Variants in SH3GL1 observed in about 807,000 individuals in gnomAD.
SH3GL1 encodes the protein endophilin-A2.
A neutral mutation model predicts 48.8 loss-of-function variants in SH3GL1; 21 were observed. That is an observed-to-expected ratio of 0.43 (90% CI 0.30 to 0.62). SH3GL1 has a LOEUF of 0.62. SH3GL1 is among the 20% of genes least tolerant of loss of function. The probability of loss-of-function intolerance (pLI) is 0.11; values close to 1 mark genes in which losing one functional copy is unlikely to be tolerated. For missense variants in SH3GL1, 454 were observed against 503.0 expected, an observed-to-expected ratio of 0.90 and a Z score of 0.93; for synonymous variants, 282 against 217.5, an observed-to-expected ratio of 1.30 and a Z score of -2.61.
Position 4,360,446 on chromosome 19 carries a change from G to A in SH3GL1, c.*1154C>T, listed in dbSNP as rs1354013987. 1 of 237,696 alleles carries A rather than the reference G, an allele frequency of 4.2e-6. No homozygotes were observed. Among genetic ancestry groups the A allele is most frequent in the Non-Finnish European group, 8.3e-6 (1 of 120,912 alleles). The allele number at this position is 237,696 out of a possible 1,614,324, so 14.7% of individuals were successfully genotyped here. A position where few individuals can be genotyped will look rare whatever the true frequency, so the allele number is the denominator to read the frequency against. On this transcript the variant is annotated 3_prime_UTR_variant, in exon 10 of 10. Coordinates refer to ENST00000269886, the MANE Select transcript of SH3GL1 (RefSeq NM_003025.4). ...CAGTTTGCCCTGGACCGTGCCCAAA[G>A]CTGTGTGCTCATCTCTGCGCCCCTC...
At position 4,400,458 on chromosome 19, in the gene SH3GL1, C is replaced by A; in HGVS notation, c.-90G>T. ...ACCCTCTGCGCGCCTCAGCAGTCCC[C>A]GTCGGCGCCGCCTCCGCCACCCGCT... On this transcript the variant is annotated 5_prime_UTR_variant, in exon 1 of 10. Transcript: ENST00000269886. The surrounding 1 kb of genome is among the most constrained non-coding windows in gnomAD (Gnocchi z 4.1). The A allele has an allele frequency of 1.7e-6, 2 of 1,159,926 alleles. No homozygotes were observed. Among genetic ancestry groups the A allele is most frequent in the Non-Finnish European group, 2.2e-6 (2 of 926,932 alleles). 71.9% of individuals were successfully genotyped at this position (1,159,926 alleles called of 1,614,324 possible).
chr19:4,386,565 C>T (rs1240139675), intron 1 of SH3GL1, among the ~76,000 whole-genome samples: 1 of 150,400 alleles, frequency 6.6e-6, no homozygotes, highest in African/African-American at 2.5e-5. Context: ...CTCAAACTCC[C>T]GGGCTCAAGC....
intron 4 of SH3GL1, among the ~76,000 whole-genome samples, chr19:4,364,866 T>TTGTGTG (rs373324973): frequency 0.04 from 3,910 of 96,848 alleles, 131 homozygotes; most frequent in African/African-American, 0.088. Flanking sequence ...ACCCGGCTAA[T>TTGTGTG]TGTGTGTGTG....
chr19:4,362,374 A>T lies in SH3GL1; in HGVS notation c.865T>A (p.Phe289Ile). 2.5e-6 allele frequency: 4 copies of T among 1,611,768 alleles called. No homozygotes were observed. Among genetic ancestry groups the T allele is most frequent in the Non-Finnish European group, 3.4e-6 (4 of 1,178,850 alleles). ...CGGATGGGCTTGTCGGAAGATCGGA[A>T]AGACGATGAAGCTAAACACAAGCAA... ...TAPKIAASSS[F>I]RSSDKPIRTP... Residue 289 changes from phenylalanine (F) to isoleucine (I), a missense_variant, in exon 9 of 10, where the codon TTC (phenylalanine) becomes ATC (isoleucine). By Grantham distance (21) the Phe-to-Ile change is conservative. This residue lies in a region of SH3GL1 where 278 missense variants were observed against 246.8 expected (regional missense o/e 1.13). Transcript: ENST00000269886.
intron 5 of SH3GL1, 26 bp downstream of exon 5, chr19:4,364,062 G>A: frequency 5.6e-6 from 9 of 1,611,652 alleles, no homozygotes; most frequent in Non-Finnish European, 7.6e-6. Flanking sequence ...GAAGGGACAG[G>A]CCCCAGGCTG....
At chr19:4,362,590 A>G (rs1276605329) in intron 8 of SH3GL1, 22 bp downstream of exon 8, 4 of 1,612,974 alleles carry the variant, frequency 2.5e-6, no homozygotes, top group Admixed American at 3.3e-5. Context: ...TGCCTCCGCA[A>G]GAGGGCTCCA....
In SH3GL1 at chr19:4,363,821, G is replaced by C; in HGVS notation, c.523C>G (p.Gln175Glu). The change falls in exon 6 of 10, where the codon CAG becomes GAG. Residue 175 changes from glutamine (Q) to glutamate (E), a missense_variant. This residue lies in a region of SH3GL1 where 176 missense variants were observed against 256.2 expected (regional missense o/e 0.69). Transcript: ENST00000269886. Reference protein sequence around the residue: ...RLDFDYKKKRQGKIPDEELRQ... With the variant: ...RLDFDYKKKREGKIPDEELRQ... ...AGCTCCTCATCGGGGATCTTGCCCT[G>C]CCGCTTCTTCTTGTAGTCAAAGTCC... The C allele has an allele frequency of 6.2e-7, 1 of 1,613,536 alleles. No individual in the cohort carries two copies. The highest frequency in any genetic ancestry group is 8.5e-7 in the Non-Finnish European group (1 of 1,180,042).
chr19:4,364,818 C>A (rs1488471061), intron 4 of SH3GL1, among the ~76,000 whole-genome samples: 1 of 150,494 alleles, frequency 6.6e-6, no homozygotes, highest in Non-Finnish European at 1.5e-5. Context: ...CCTGCCTCAG[C>A]CTCCCGAGTA....
intron 1 of SH3GL1, among the ~76,000 whole-genome samples, chr19:4,386,060 G>A (rs146917774): frequency 6.6e-6 from 1 of 152,220 alleles, no homozygotes; most frequent in Non-Finnish European, 1.5e-5. Flanking sequence ...ATGATCTTAT[G>A]CCAGGGTGGG....
At position 4,363,456 on chromosome 19, in the gene SH3GL1, C is replaced by G; in HGVS notation, c.642G>C (p.Gln214His). ...LLETDIEQVSQLSALVDAQLD... is the reference protein window; with the variant it reads ...LLETDIEQVSHLSALVDAQLD... ...GCTGTGCATCCACCAGGGCCGAGAG[C>G]TGACTCACCTGCTCGATCTGTGGGG... The change falls in exon 7 of 10, where the codon CAG (glutamine) becomes CAC (histidine). Residue 214 changes from glutamine (Q) to histidine (H), a missense_variant. Physicochemically the swap from Gln to His is conservative, Grantham distance 24. Transcript: ENST00000269886. The G allele has an allele frequency of 6.2e-7, 1 of 1,612,616 alleles. No homozygotes were observed. Among genetic ancestry groups the G allele is most frequent in the South Asian group, 1.1e-5 (1 of 90,918 alleles).
Position 4,383,374 on chromosome 19 carries a change from A to G in SH3GL1, c.46-16380T>C, listed in dbSNP as rs556192621. 2.3e-4 allele frequency among the ~76,000 whole-genome samples: 35 copies of G among 151,762 alleles called. No homozygotes were observed. The South Asian group carries it at 5.4e-3, about 23-fold the overall frequency. On this transcript the variant is annotated intron_variant, in intron 1 of 9. Coordinates refer to ENST00000269886, the MANE Select transcript of SH3GL1 (RefSeq NM_003025.4). ...GGACTACAGGCGTGCATCACCACAC[A>G]GAGTTATTTTTTTTTTTATTTTTTA...
chr19:4,375,496 G>A (rs1599604423), intron 1 of SH3GL1, among the ~76,000 whole-genome samples: 1 of 152,224 alleles, frequency 6.6e-6, no homozygotes, highest in African/African-American at 2.4e-5. Flanking sequence ...CCAGGAGACG[G>A]GAGGACAGGC....
Position 4,389,200 on chromosome 19 carries a change from T to G in SH3GL1, c.45+11124A>C, listed in dbSNP as rs1265647736. On this transcript the variant is annotated intron_variant, in intron 1 of 9. Transcript: ENST00000269886. This position sits in a 1 kb window ranked among gnomAD's most constrained non-coding sequence, Gnocchi z 4.5. ...CCAGCAGAACATGGCCCATCACACATGCCCGAGCACAGCCCAGCCTCAGGA... is the reference window on the plus strand; with the variant it reads ...CCAGCAGAACATGGCCCATCACACAGGCCCGAGCACAGCCCAGCCTCAGGA... Among the ~76,000 whole-genome samples, 1 of 152,108 alleles carries G rather than the reference T, an allele frequency of 6.6e-6. No homozygotes were observed. Among genetic ancestry groups the G allele is most frequent in the Non-Finnish European group, 1.5e-5 (1 of 67,996 alleles).
At chr19:4,391,537 G>C (rs139527458) in intron 1 of SH3GL1, among the ~76,000 whole-genome samples, 1 of 152,164 alleles carries the variant, frequency 6.6e-6, no homozygotes, top group Admixed American at 6.5e-5. Flanking sequence ...CAGCAGTCAC[G>C]GGTGGCAGAA....
intron 1 of SH3GL1, among the ~76,000 whole-genome samples, chr19:4,385,763 T>C (rs1478454373): frequency 6.6e-6 from 1 of 152,104 alleles, no homozygotes; most frequent in African/African-American, 2.4e-5. Context: ...ATACACAGGA[T>C]TCTGCAAGTA....
chr19:4,363,939 C>A, intron 5 of SH3GL1, 61 bp from the exon 6 acceptor site: 1 of 1,609,020 alleles, frequency 6.2e-7, no homozygotes, highest in East Asian at 2.2e-5. Context: ...CCACGCATGG[C>A]TTTGACCCAC....
At chr19:4,387,791 C>G (rs543967289) in intron 1 of SH3GL1, among the ~76,000 whole-genome samples, 9 of 152,010 alleles carry the variant, frequency 5.9e-5, no homozygotes, top group African/African-American at 1.9e-4. Flanking sequence ...TCCAGCGATT[C>G]GCCTGCCTCA....
At chr19:4,364,321 G>C (rs1324546515) in intron 4 of SH3GL1, 100 bp from the exon 5 acceptor site, 8 of 1,456,464 alleles carry the variant, frequency 5.5e-6, no homozygotes, top group Non-Finnish European at 6.7e-6. Flanking sequence ...TCACAGGCTG[G>C]AACGCAGTGG....
intron 2 of SH3GL1, 77 bp downstream of exon 2, chr19:4,366,849 G>A: frequency 6.9e-7 from 1 of 1,457,614 alleles, no homozygotes; most frequent in South Asian, 1.1e-5. Flanking sequence ...ATCAAGGTTG[G>A]CCGCCTCCAC....
Sources: gnomAD v4.1 joint callset for allele counts (sites outside exome capture counted in the v4.1 genomes callset) on GRCh38, gnomAD v4.1.1 for gene constraint, gnomAD v4.1.1 regional missense constraint, Gnocchi (gnomAD v3.1) non-coding constraint, MANE v1.5 for transcripts, NCBI Gene and HGNC (gene_info 2026-07-23, HGNC 2026-07-21) for gene names.